The following MYH6 variants were observed in gnomAD, a reference collection of about 807,000 sequenced individuals.
MYH6 encodes the protein myosin-6.
In MYH6, 126 loss-of-function variants were observed where a neutral mutation model predicts 223.2. The observed-to-expected ratio is 0.56, with a 90% CI of 0.49 to 0.65. The LOEUF is 0.65. Among genes scored for constraint, MYH6 ranks in the 30% least tolerant of loss-of-function variants. MYH6 has a pLI of 0.00. For synonymous variants in MYH6, 978 were observed against 1,010.2 expected (o/e 0.97, Z 0.61); for missense variants, 2,040 against 2,536.4 (o/e 0.80, Z 4.20).
chr14:23,393,089 G>A, intron 23 of MYH6, 32 bp from the exon 24 acceptor site: 1 of 1,613,870 alleles, frequency 6.2e-7, no homozygotes. Flanking sequence ...GCAAAGTGTG[G>A]AAAACATGAA....
Position 23,405,875 on chromosome 14 carries a change from C to G in MYH6, c.202-105G>C. 6.9e-7 allele frequency: 1 copy of G among 1,452,022 alleles called. No individual in the cohort carries two copies. Among genetic ancestry groups the G allele is most frequent in the East Asian group, 2.3e-5 (1 of 43,798 alleles). The allele number at this position is 1,452,022 out of a possible 1,614,324, so 89.9% of individuals were successfully genotyped here. ...CCCAGGACACAGGGACTTGGCCTTGCTCCCCTTGCTCTGACCAGTGCCCCG... is the reference window on the plus strand; with the variant it reads ...CCCAGGACACAGGGACTTGGCCTTGGTCCCCTTGCTCTGACCAGTGCCCCG... On this transcript the variant is annotated intron_variant, in intron 3 of 38. Transcript: ENST00000405093. The surrounding 1 kb of genome is among the most constrained non-coding windows in gnomAD (Gnocchi z 4.7).
intron 10 of MYH6, 89 bp downstream of exon 10, chr14:23,403,258 TG>T: frequency 1.9e-6 from 2 of 1,075,794 alleles, no homozygotes; most frequent in Non-Finnish European, 2.9e-6. Context: ...TGGGGCACAG[TG>T]GGGAGCAGGA....
At chr14:23,384,859 T>C in intron 35 of MYH6, 57 bp downstream of exon 35, 1 of 1,613,292 alleles carries the variant, frequency 6.2e-7, no homozygotes, top group Non-Finnish European at 8.5e-7. Context: ...TGGCCTGGCC[T>C]GGACCCAAGG....
Position 23,390,056 on chromosome 14 carries a change from C to T in MYH6, c.3732+1G>A, listed in dbSNP as rs753686840. On this transcript the variant is annotated splice_donor_variant, in intron 26 of 38. Transcript: ENST00000405093. LOFTEE classifies it high-confidence loss of function. ...GCGAGGGGAGGCCGAGCAGAGCCTG[C>T]CTTGGCCTTGATGATCTGCTCCATG... The T allele has an allele frequency of 6.2e-7, 1 of 1,613,372 alleles. No individual in the cohort carries two copies. The highest frequency in any genetic ancestry group is 8.5e-7 in the Non-Finnish European group (1 of 1,179,816).
rs112677696 is a variant in MYH6 at position 23,402,706 on chromosome 14, C to T, written c.993G>A (p.Met331Ile). The T allele has an allele frequency of 8.7e-6, 14 of 1,613,628 alleles. No individual in the cohort carries two copies. Among genetic ancestry groups the T allele is most frequent in the African/African-American group, 6.7e-5 (5 of 74,866 alleles). ...VASIDDSEEL[M>I]ATDSAFDVLG... ...CAGCCCCCTCACTCACATCGGTGGC[C>T]ATGAGCTCCTCGGAGTCATCAATGG... is the stretch of plus-strand genomic sequence containing the variant. Residue 331 changes from methionine (M) to isoleucine (I), a missense_variant, in exon 11 of 39, where the codon ATG (methionine) becomes ATA (isoleucine). Physicochemically the swap from Met to Ile is conservative, Grantham distance 10. Transcript: ENST00000405093.
rs55907025 is a variant in MYH6, at chr14:23,397,932, C to CTCTTCTTCTTCT, written c.1892-331_1892-320dup. 1.5e-3 allele frequency among the ~76,000 whole-genome samples: 131 copies of CTCTTCTTCTTCT among 90,194 alleles called. 4 individuals are homozygous for CTCTTCTTCTTCT. The highest frequency in any genetic ancestry group is 3.9e-3 in the South Asian group (9 of 2,334). 59.2% of individuals were successfully genotyped at this position (90,194 alleles called of 152,430 possible). A position where few individuals can be genotyped will look rare whatever the true frequency, so the allele number is the denominator to read the frequency against. On this transcript the variant is annotated intron_variant, in intron 15 of 38. Transcript: ENST00000405093. ...AGTTCTCCTCCTCCTCCTCCTCCTCCTCTTCTTCTTCTTCTTCTTCTTCTT... is the reference window on the plus strand; with the variant it reads ...AGTTCTCCTCCTCCTCCTCCTCCTCCTCTTCTTCTTCTTCTTCTTCTTCTTCTTCTTCTTCTT...
chr14:23,402,762 A>C lies in MYH6; in HGVS notation c.937T>G (p.Phe313Val), dbSNP rs576034003. Reference protein sequence around the residue: ...LVTNNPYDYAFVSQGEVSVAS... With the variant: ...LVTNNPYDYAVVSQGEVSVAS... The stretch of plus-strand genomic sequence containing the variant: ...ACGGACACCTCTCCCTGAGACACGA[A>C]GGCGTAGTCGTAGGGATTGTTGGTG... The change falls in exon 11 of 39, where the codon TTC becomes GTC. Residue 313 changes from phenylalanine (F) to valine (V), a missense_variant. Phe to Val is a conservative substitution (Grantham distance 50). This residue lies in a region of MYH6 where 649 missense variants were observed against 877.3 expected (regional missense o/e 0.74). Coordinates refer to ENST00000405093, the MANE Select transcript of MYH6 (RefSeq NM_002471.4). The C allele has an allele frequency of 5.6e-6, 9 of 1,613,230 alleles. No individual in the cohort carries two copies. In the African/African-American group the frequency reaches 9.4e-5, roughly 17 times the overall value.
At position 23,386,614 on chromosome 14, in the gene MYH6, C is replaced by G. The variant is rs553761240; in HGVS notation, c.4660G>C (p.Glu1554Gln). The G allele has an allele frequency of 6.2e-6, 10 of 1,609,790 alleles. No individual in the cohort carries two copies. Among genetic ancestry groups the G allele is most frequent in the Non-Finnish European group, 8.5e-6 (10 of 1,176,960 alleles). The change falls in exon 33 of 39, where the codon GAG (glutamate) becomes CAG (glutamine). Residue 1554 changes from glutamate to glutamine, a missense_variant. Glu to Gln is a conservative substitution (Grantham distance 29, BLOSUM62 2). Around this residue, in one of 4 missense-constraint regions of MYH6, gnomAD observed 1,203 missense variants for 1,400.2 expected, o/e 0.86. Coordinates refer to ENST00000405093, the MANE Select transcript of MYH6 (RefSeq NM_002471.4). ...SALEEAEASLEHEEGKILRAQ... is the reference protein window; with the variant it reads ...SALEEAEASLQHEEGKILRAQ... ...CGGAGGATCTTGCCCTCCTCGTGCT[C>G]CAGGGAGGCCTGGGAAGGGGTGGGG...
chr14:23,385,079 A>G, intron 34 of MYH6, 38 bp from the exon 35 acceptor site: 2 of 1,612,626 alleles, frequency 1.2e-6, no homozygotes, highest in Non-Finnish European at 1.7e-6. Flanking sequence ...AATATATACT[A>G]CACTTTGTTA....
chr14:23,386,561 C>A lies in MYH6; in HGVS notation c.4713G>T (p.Lys1571Asn), dbSNP rs730880151. 4.3e-6 allele frequency: 7 copies of A among 1,613,466 alleles called. No homozygotes were observed. Among genetic ancestry groups the A allele is most frequent in the Non-Finnish European group, 5.9e-6 (7 of 1,179,576 alleles). The part of the protein sequence containing the change: ...LRAQLEFNQI[K>N]AEIERKLAEK... ...CTGCCAGCTTCCGCTCGATCTCTGC[C>A]TTGATCTGGTTGAACTCTAGCTGGG... The change falls in exon 33 of 39, where the codon AAG (lysine) becomes AAT (asparagine). Residue 1571 changes from lysine (K) to asparagine (N), a missense_variant. Coordinates refer to ENST00000405093, the MANE Select transcript of MYH6 (RefSeq NM_002471.4).
At chr14:23,388,015 A>T in intron 30 of MYH6, 92 bp from the exon 31 acceptor site, 6 of 1,604,906 alleles carry the variant, frequency 3.7e-6, no homozygotes, top group South Asian at 2.2e-5. Flanking sequence ...CCTCAGCCGC[A>T]TGTCCAAGAT....
In MYH6 at chr14:23,404,626, G is replaced by C. The variant is rs1036155656; in HGVS notation, c.642+85C>G. On this transcript the variant is annotated intron_variant, in intron 7 of 38. Coordinates refer to ENST00000405093, the MANE Select transcript of MYH6 (RefSeq NM_002471.4). The stretch of plus-strand genomic sequence containing the variant: ...AGCTCAGTGTGGCTGTCCCCACCAC[G>C]TCACAGGGAGGGGAGGGTTAGGGGT... 25 of 1,352,864 alleles carry C rather than the reference G, an allele frequency of 1.8e-5. No individual in the cohort carries two copies. In the South Asian group the frequency reaches 2.8e-4, roughly 15 times the overall value. 83.8% of individuals were successfully genotyped at this position (1,352,864 alleles called of 1,614,324 possible).
chr14:23,382,085 T>G, intron 38 of MYH6, 22 bp from the exon 39 acceptor site: 1 of 1,609,336 alleles, frequency 6.2e-7, no homozygotes, highest in Non-Finnish European at 8.5e-7. Flanking sequence ...ATAAGAGGTG[T>G]GAGGGGGCAG....
chr14:23,397,961 C>CTTT (rs1566512531), intron 15 of MYH6, among the ~76,000 whole-genome samples: 17 of 120,988 alleles, frequency 1.4e-4, no homozygotes, highest in South Asian at 6.3e-4. Flanking sequence ...TCTTCTTCTT[C>CTTT]TTCTTCTTCT....
In MYH6 at chr14:23,387,052, T is replaced by C. The variant is rs1891050348; in HGVS notation, c.4651-429A>G. ...ATGAAGAGTAACAATAGCTAATATA[T>C]ATTAAGTGCTTAAATGTGTTACCTC... On this transcript the variant is annotated intron_variant, in intron 32 of 38. Coordinates refer to ENST00000405093, the MANE Select transcript of MYH6 (RefSeq NM_002471.4). Among the ~76,000 whole-genome samples, 4 of 152,214 alleles carry C rather than the reference T, an allele frequency of 2.6e-5. 1 individual carries two copies. In the South Asian group the frequency reaches 6.2e-4, roughly 24 times the overall value.
chr14:23,403,813 G>T, intron 8 of MYH6, 35 bp from the exon 9 acceptor site: 1 of 1,562,136 alleles, frequency 6.4e-7, no homozygotes. Flanking sequence ...GGGAACTGGC[G>T]GGAAGGACAG....
In MYH6 at chr14:23,386,375, G is replaced by A. The variant is rs61742474; in HGVS notation, c.4899C>T (p.His1633=). The change falls in exon 33 of 39, where the codon CAC becomes CAT. Residue 1633 remains histidine, a synonymous_variant. Coordinates refer to ENST00000405093, the MANE Select transcript of MYH6 (RefSeq NM_002471.4). ...GGGCCTCGGCAGCCATGCGGTTGGCGTGGCTGAGCTGGATCTCCATCTCAT... is the reference window on the plus strand; with the variant it reads ...GGGCCTCGGCAGCCATGCGGTTGGCATGGCTGAGCTGGATCTCCATCTCAT... The part of the protein sequence containing the change: ...DLNEMEIQLS[H]ANRMAAEAQK... 9.5e-4 allele frequency: 1,531 copies of A among 1,614,154 alleles called. 15 individuals are homozygous for A. The African/African-American group carries it at 0.017, about 18-fold the overall frequency.
intron 7 of MYH6, 63 bp downstream of exon 7, chr14:23,404,648 G>A: frequency 6.8e-7 from 1 of 1,477,902 alleles, no homozygotes. Flanking sequence ...GGAGGGTTAG[G>A]GGTAACTCGG....
In MYH6 at chr14:23,405,214, C is replaced by A; in HGVS notation, c.502+9G>T. ...AGGAGGAGCAGAGACCAGGGGCCACCAGGCTCACCTGTCAGCATGTACTGA... is the reference window on the plus strand; with the variant it reads ...AGGAGGAGCAGAGACCAGGGGCCACAAGGCTCACCTGTCAGCATGTACTGA... On this transcript the variant is annotated intron_variant, in intron 5 of 38. Coordinates refer to ENST00000405093, the MANE Select transcript of MYH6 (RefSeq NM_002471.4). This position sits in a 1 kb window ranked among gnomAD's most constrained non-coding sequence, Gnocchi z 4.7. The A allele has an allele frequency of 6.2e-7, 1 of 1,614,002 alleles. No homozygotes were observed. The highest frequency in any genetic ancestry group is 8.5e-7 in the Non-Finnish European group (1 of 1,180,038).
Sources: gnomAD v4.1 joint callset for allele counts (sites outside exome capture counted in the v4.1 genomes callset) on GRCh38, gnomAD v4.1.1 for gene constraint, gnomAD v4.1.1 regional missense constraint, Gnocchi (gnomAD v3.1) non-coding constraint, MANE v1.5 for transcripts, NCBI Gene and HGNC (gene_info 2026-07-23, HGNC 2026-07-21) for gene names.